The following SLC2A7 variants were observed in gnomAD, a reference collection of about 807,000 sequenced individuals.
SLC2A7 encodes the protein solute carrier family 2 member 7.
SLC2A7 carries 50 observed loss-of-function variants against 50.5 expected under a neutral mutation model. The ratio of observed to expected loss-of-function variants is 0.99; its 90% confidence interval spans 0.79 to 1.25. SLC2A7 has a LOEUF of 1.25. Ranked by LOEUF, SLC2A7 falls within the 50% of genes most tolerant of loss-of-function variation. SLC2A7 has a pLI of 0.00. For missense variants in SLC2A7, 683 were observed against 679.1 expected (o/e 1.01, Z -0.06); for synonymous variants, 308 against 300.4 (o/e 1.03, Z -0.26).
chr1:9,011,130 C>T (rs1640743080), intron 8 of SLC2A7, among the ~76,000 whole-genome samples: 1 of 152,258 alleles, frequency 6.6e-6, no homozygotes, highest in East Asian at 1.9e-4. Flanking sequence ...AACCTGCTCG[C>T]TCTGCCTCAC....
Position 9,019,232 on chromosome 1 carries a change from C to G in SLC2A7, c.413G>C (p.Arg138Pro), listed in dbSNP as rs780578803. 1 of 1,613,992 alleles carries G rather than the reference C, an allele frequency of 6.2e-7. No homozygotes were observed. The highest frequency in any genetic ancestry group is 8.5e-7 in the Non-Finnish European group (1 of 1,179,954). Residue 138 changes from arginine (R) to proline (P), a missense_variant, in exon 4 of 12, where the codon CGA (arginine) becomes CCA (proline). Transcript: ENST00000400906. ...AKAFELIVFS[R>P]VVLGVCAGIS... is the part of the protein sequence containing the mutation. ...ACCTGCACAGACTCCCAGCACCACT[C>G]GGGAAAAGACGATCAGCTCAAAAGC...
At chr1:8,993,299 A>G in the SLC2A7 span, among the ~76,000 whole-genome samples, 2 of 152,180 alleles carry the variant, frequency 1.3e-5, no homozygotes, top group Non-Finnish European at 2.9e-5. Context: ...CCCTCCCACA[A>G]CGTGTGGGAA....
chr1:9,015,550 G>A (rs1385484199), intron 5 of SLC2A7, among the ~76,000 whole-genome samples: 1 of 152,026 alleles, frequency 6.6e-6, no homozygotes, highest in Non-Finnish European at 1.5e-5. Flanking sequence ...CAGGAAAGGG[G>A]ATAATCTCTG....
intron 7 of SLC2A7, among the ~76,000 whole-genome samples, chr1:9,013,899 C>T (rs955840506): frequency 2.0e-5 from 3 of 152,184 alleles, no homozygotes; most frequent in Admixed American, 1.3e-4. Flanking sequence ...TCAGACCATA[C>T]GACCTCCAAG....
chr1:8,995,659 C>T, the SLC2A7 span, among the ~76,000 whole-genome samples: 14 of 151,798 alleles, frequency 9.2e-5, no homozygotes, highest in Admixed American at 7.2e-4. Context: ...GCAGGAGAAT[C>T]GCTTGAAACC....
intron 8 of SLC2A7, among the ~76,000 whole-genome samples, chr1:9,011,490 T>C (rs181741899): frequency 1.3e-5 from 2 of 152,184 alleles, no homozygotes; most frequent in African/African-American, 4.8e-5. Flanking sequence ...CCTGTCTCTA[T>C]GTTTAAAAAA....
At chr1:9,014,280 G>A (rs983542902) in intron 7 of SLC2A7, among the ~76,000 whole-genome samples, 1 of 152,210 alleles carries the variant, frequency 6.6e-6, no homozygotes, top group Admixed American at 6.5e-5. Context: ...AAAGAGCCAC[G>A]GTCGCAGAAA....
At chr1:9,000,144 A>T (rs189145410), downstream of SLC2A7, among the ~76,000 whole-genome samples, 1 of 152,270 alleles carries the variant, frequency 6.6e-6, no homozygotes, top group East Asian at 1.9e-4. Flanking sequence ...CTATCTCTGC[A>T]AATTTTTTTG....
intron 2 of SLC2A7, among the ~76,000 whole-genome samples, chr1:9,023,645 AC>A (rs1640947553): frequency 6.7e-6 from 1 of 150,104 alleles, no homozygotes; most frequent in Admixed American, 6.6e-5. Context: ...AATGGCTCAC[AC>A]CTGTAATCCT....
Position 9,025,048 on chromosome 1 carries a change from C to T in SLC2A7, c.78G>A (p.Ala26=), listed in dbSNP as rs1407413302. ...CTGAGCCAAAGGCCGCGCTCAGTGT[C>T]GCCAGCAACAGCGTCGGCTGGAGCC... ...EGRLQPTLLL[A]TLSAAFGSAF... The change falls in exon 2 of 12, where the codon GCG becomes GCA. Residue 26 remains alanine (A), a synonymous_variant. Transcript: ENST00000400906. 3.7e-6 allele frequency: 6 copies of T among 1,613,722 alleles called. No individual in the cohort carries two copies. In the South Asian group the frequency reaches 4.4e-5, roughly 12 times the overall value.
At chr1:9,017,818 G>C (rs1640852228) in intron 5 of SLC2A7, among the ~76,000 whole-genome samples, 1 of 152,216 alleles carries the variant, frequency 6.6e-6, no homozygotes. Context: ...GAGGCCGCCA[G>C]AAGAAAACAG....
chr1:9,000,745 G>GGTGT (rs56985979), downstream of SLC2A7, among the ~76,000 whole-genome samples: 5,484 of 142,140 alleles, frequency 0.039, 196 homozygotes, highest in African/African-American at 0.092. Context: ...TGACTTTCCT[G>GGTGT]GTGTGTGTGT....
chr1:9,010,209 G>A lies in SLC2A7; in HGVS notation c.1050C>T (p.Leu350=), dbSNP rs1190750118. 5.8e-6 allele frequency: 9 copies of A among 1,551,398 alleles called. No individual in the cohort carries two copies. In the East Asian group the frequency reaches 2.2e-4, roughly 38 times the overall value. Reference sequence around the variant, plus strand: ...CGCAGATGCCGTAGCCGGCCAGCAGGAGGTGCCGCCGTCCCAGCCGCTCCA... The same window carrying A: ...CGCAGATGCCGTAGCCGGCCAGCAGAAGGTGCCGCCGTCCCAGCCGCTCCA... ...VLVERLGRRH[L]LLAGYGICGS... is the part of the protein sequence containing the mutation. Residue 350 remains leucine (L), a synonymous_variant, in exon 9 of 12, where the codon CTC becomes CTT. Transcript: ENST00000400906.
chr1:9,026,038 G>C (rs527857461), intron 1 of SLC2A7, among the ~76,000 whole-genome samples: 1 of 152,216 alleles, frequency 6.6e-6, no homozygotes, highest in Non-Finnish European at 1.5e-5. Context: ...AGGGGAGCAG[G>C]GGTGGAAGGG....
intron 2 of SLC2A7, among the ~76,000 whole-genome samples, chr1:9,023,584 G>A (rs1302197234): frequency 1.3e-5 from 2 of 151,302 alleles, no homozygotes; most frequent in Admixed American, 6.6e-5. Flanking sequence ...TCCAGCCTGG[G>A]CAACAGAGCG....
downstream of SLC2A7, among the ~76,000 whole-genome samples, chr1:9,002,361 C>T (rs1055237765): frequency 2.0e-5 from 3 of 152,300 alleles, no homozygotes; most frequent in East Asian, 1.9e-4. Flanking sequence ...AAAACCCGAG[C>T]GTACGTTCTG....
rs1640600022 is a variant in SLC2A7 at position 9,003,204 on chromosome 1, C to G, written c.*96G>C. The G allele has an allele frequency of 9.1e-7, 1 of 1,099,892 alleles. No homozygotes were observed. The allele number at this position is 1,099,892 out of a possible 1,614,324, so 68.1% of individuals were successfully genotyped here. Reference sequence around the variant, plus strand: ...GTTAAATGGGGGCAACGACAAAAGCCTCCGTGCTATTATCCTCCCCAGAGC... The same window carrying G: ...GTTAAATGGGGGCAACGACAAAAGCGTCCGTGCTATTATCCTCCCCAGAGC... On this transcript the variant is annotated 3_prime_UTR_variant, in exon 12 of 12. Transcript: ENST00000400906.
In SLC2A7 at chr1:9,013,122, C is replaced by A. The variant is rs963651475; in HGVS notation, c.1014+403G>T. Reference sequence around the variant, plus strand: ...GACCAGGCTGGTCTCAAACTCCTGACCTCAAGTCATCCACCTGCCTCAGTC... The same window carrying A: ...GACCAGGCTGGTCTCAAACTCCTGAACTCAAGTCATCCACCTGCCTCAGTC... On this transcript the variant is annotated intron_variant, in intron 8 of 11. Coordinates refer to ENST00000400906, the MANE Select transcript of SLC2A7 (RefSeq NM_207420.3). Among the ~76,000 whole-genome samples, 76 of 152,106 alleles carry A rather than the reference C, an allele frequency of 5.0e-4. 3 individuals carry two copies. The highest frequency in any genetic ancestry group is 2.6e-4 in the Non-Finnish European group (18 of 68,026).
At chr1:9,015,267 T>A in intron 5 of SLC2A7, 25 bp from the exon 6 acceptor site, 1 of 1,556,326 alleles carries the variant, frequency 6.4e-7, no homozygotes, top group Non-Finnish European at 8.6e-7. Flanking sequence ...GGACTCAGGA[T>A]CCCGGGGCCT....
Sources: allele counts gnomAD v4.1 joint callset (sites outside exome capture counted in the v4.1 genomes callset), GRCh38; gene constraint gnomAD v4.1.1; transcripts MANE v1.5; gene names NCBI Gene and HGNC (gene_info 2026-07-23, HGNC 2026-07-21).